The following IQGAP2 variants were observed in gnomAD, a reference collection of about 807,000 sequenced individuals.
IQGAP2 encodes the protein ras GTPase-activating-like protein IQGAP2.
IQGAP2 carries 173 observed loss-of-function variants against 201.3 expected under a neutral mutation model. That is an observed-to-expected ratio of 0.86 (90% CI 0.76 to 0.98). IQGAP2 has a LOEUF of 0.98. Ranked by LOEUF, IQGAP2 falls within the 50% of genes least tolerant of loss-of-function variation. IQGAP2 has a pLI of 0.00. For missense variants in IQGAP2, 1,687 were observed against 1,864.8 expected, an observed-to-expected ratio of 0.90 and a Z score of 1.76; for synonymous variants, 675 against 673.9, an observed-to-expected ratio of 1.00 and a Z score of -0.03.
At chr5:76,527,666 G>A (rs1362993947) in intron 2 of IQGAP2, among the ~76,000 whole-genome samples, 1 of 152,148 alleles carries the variant, frequency 6.6e-6, no homozygotes, top group Non-Finnish European at 1.5e-5. Flanking sequence ...CAAGGTTCCT[G>A]TGCCTTGGCC....
chr5:76,672,557 C>T (rs1213727888), intron 24 of IQGAP2, among the ~76,000 whole-genome samples: 4 of 152,050 alleles, frequency 2.6e-5, no homozygotes, highest in Non-Finnish European at 4.4e-5. Flanking sequence ...TTGTATAGCA[C>T]ATAATGGAAT....
At chr5:76,549,876 T>C (rs1743331775) in intron 2 of IQGAP2, among the ~76,000 whole-genome samples, 1 of 152,156 alleles carries the variant, frequency 6.6e-6, no homozygotes, top group Admixed American at 6.5e-5. Context: ...TATTAGGGGT[T>C]AGGACTTCAA....
intron 1 of IQGAP2, among the ~76,000 whole-genome samples, chr5:76,457,429 G>A (rs762751587): frequency 6.6e-5 from 10 of 152,022 alleles, no homozygotes; most frequent in South Asian, 2.1e-4. Context: ...TAAGCATTTC[G>A]TAATTATGCC....
At chr5:76,618,769 A>G in intron 13 of IQGAP2, 1 of 821,722 alleles carries the variant, frequency 1.2e-6, no homozygotes, top group East Asian at 2.7e-5. Context: ...AAGTTATTGT[A>G]GATTAGGCAG....
intron 2 of IQGAP2, among the ~76,000 whole-genome samples, chr5:76,503,566 A>G (rs1406483817): frequency 7.3e-6 from 1 of 136,560 alleles, no homozygotes; most frequent in Non-Finnish European, 1.5e-5. Flanking sequence ...CTTAGAAAAG[A>G]ACTCTCAGGT....
intron 1 of IQGAP2, among the ~76,000 whole-genome samples, chr5:76,431,817 C>CAA (rs11292591): frequency 1.8e-5 from 2 of 114,104 alleles, no homozygotes; most frequent in Non-Finnish European, 3.7e-5. Context: ...GACTCTGTAT[C>CAA]AAAAAAAAAA....
intron 31 of IQGAP2, among the ~76,000 whole-genome samples, chr5:76,694,841 G>C (rs1035523642): frequency 5.9e-5 from 9 of 152,218 alleles, no homozygotes. Context: ...TCCTTGAACA[G>C]ACTATCCAAA....
At chr5:76,404,642 C>G (rs956067035) in intron 1 of IQGAP2, 3 of 223,420 alleles carry the variant, frequency 1.3e-5, no homozygotes, top group African/African-American at 7.0e-5. Flanking sequence ...TGAAAAAGGG[C>G]TCCTCAACTT....
At chr5:76,487,433 A>T (rs901815651) in intron 2 of IQGAP2, among the ~76,000 whole-genome samples, 1 of 152,178 alleles carries the variant, frequency 6.6e-6, no homozygotes, top group African/African-American at 2.4e-5. Flanking sequence ...GGGGATGTGG[A>T]TGCGGATCTT....
chr5:76,429,772 C>T (rs1752256241), intron 1 of IQGAP2, among the ~76,000 whole-genome samples: 1 of 151,238 alleles, frequency 6.6e-6, no homozygotes, highest in African/African-American at 2.4e-5. Flanking sequence ...TGTGGGAGAA[C>T]TGAAGTCCAG....
At chr5:76,514,515 C>A (rs1193574254) in intron 2 of IQGAP2, among the ~76,000 whole-genome samples, 1 of 152,216 alleles carries the variant, frequency 6.6e-6, no homozygotes, top group Non-Finnish European at 1.5e-5. Context: ...CTCCTGCCAT[C>A]AGATTAATCT....
intron 2 of IQGAP2, among the ~76,000 whole-genome samples, chr5:76,467,145 T>C (rs905775197): frequency 2.0e-5 from 3 of 152,076 alleles, no homozygotes; most frequent in Admixed American, 2.0e-4. Flanking sequence ...CCAGCTACTC[T>C]GGAGGCTAAA....
At chr5:76,681,659 T>C (rs1377401173) in intron 28 of IQGAP2, among the ~76,000 whole-genome samples, 2 of 152,108 alleles carry the variant, frequency 1.3e-5, no homozygotes, top group Non-Finnish European at 2.9e-5. Flanking sequence ...CTCAAAAATT[T>C]AAACAGAGAG....
At chr5:76,504,460 C>T (rs544578247) in intron 2 of IQGAP2, among the ~76,000 whole-genome samples, 10 of 152,238 alleles carry the variant, frequency 6.6e-5, no homozygotes, top group South Asian at 4.2e-4. Context: ...CACCTAAGTG[C>T]GAAAGTCCTG....
chr5:76,518,547 C>G (rs1758476941), intron 2 of IQGAP2, among the ~76,000 whole-genome samples: 1 of 152,062 alleles, frequency 6.6e-6, no homozygotes, highest in Non-Finnish European at 1.5e-5. Flanking sequence ...GGGGACACAG[C>G]CAAACCATAT....
intron 32 of IQGAP2, among the ~76,000 whole-genome samples, chr5:76,697,402 G>A (rs192204078): frequency 1.3e-5 from 2 of 152,304 alleles, no homozygotes; most frequent in African/African-American, 4.8e-5. Flanking sequence ...CCAGCACTTC[G>A]GGAGGCCGAG....
Position 76,541,448 on chromosome 5 carries a change from G to A in IQGAP2, c.147-20948G>A, listed in dbSNP as rs78560544. On this transcript the variant is annotated intron_variant, in intron 2 of 35. Transcript: ENST00000274364. ...TATTCATCTGTTGCTGGGCACGTGA[G>A]TTGTTTCCATGTTTTGGTGATCATG... 6.5e-3 allele frequency among the ~76,000 whole-genome samples: 988 copies of A among 152,290 alleles called. 13 individuals are homozygous for A. Among genetic ancestry groups the A allele is most frequent in the African/African-American group, 0.022 (931 of 41,540 alleles).
chr5:76,428,369 T>C (rs1233372344), intron 1 of IQGAP2, among the ~76,000 whole-genome samples: 1 of 151,652 alleles, frequency 6.6e-6, no homozygotes, highest in Non-Finnish European at 1.5e-5. Context: ...AATCTGGTAA[T>C]GCAAAGGAAG....
In IQGAP2 at chr5:76,490,894, T is replaced by G. The variant is rs765015529; in HGVS notation, c.146+29225T>G. Among the ~76,000 whole-genome samples the G allele has an allele frequency of 3.3e-4, 51 of 152,252 alleles. No individual in the cohort carries two copies. The Middle Eastern group carries it at 0.017, about 51-fold the overall frequency. On this transcript the variant is annotated intron_variant, in intron 2 of 35. Transcript: ENST00000274364. Reference sequence around the variant, plus strand: ...ACCTTGAGCATTTTTCTTTAAATATTCAAGTTTAAAAGCATATTCCTTGGC... The same window carrying G: ...ACCTTGAGCATTTTTCTTTAAATATGCAAGTTTAAAAGCATATTCCTTGGC...
Sources: allele counts gnomAD v4.1 joint callset (sites outside exome capture counted in the v4.1 genomes callset), GRCh38; gene constraint gnomAD v4.1.1; transcripts MANE v1.5; gene names NCBI Gene and HGNC (gene_info 2026-07-23, HGNC 2026-07-21).